Variants in RBFOX1 observed in about 807,000 individuals in gnomAD.
The protein encoded by RBFOX1 is RNA binding protein fox-1 homolog 1.
In RBFOX1, 8 loss-of-function variants were observed where a neutral mutation model predicts 57.7. The ratio of observed to expected loss-of-function variants is 0.14; its 90% CI spans 0.08 to 0.25. RBFOX1 has a LOEUF of 0.25. RBFOX1 is among the 10% of genes least tolerant of loss of function. The probability of loss-of-function intolerance (pLI) is 1.00; values close to 1 mark genes in which losing one functional copy is unlikely to be tolerated. For synonymous variants in RBFOX1, 326 were observed against 222.4 expected, an observed-to-expected ratio of 1.47 and a Z score of -4.15; for missense variants, 611 against 548.5, an observed-to-expected ratio of 1.11 and a Z score of -1.14.
At chr16:6,515,475 C>T (rs1280393624) in intron 2 of RBFOX1, among the ~76,000 whole-genome samples, 2 of 152,212 alleles carry the variant, frequency 1.3e-5, no homozygotes, top group South Asian at 2.1e-4. Flanking sequence ...AACTAATATG[C>T]TGTCTACCCA....
chr16:7,013,361 C>T (rs1425471334), intron 3 of RBFOX1, among the ~76,000 whole-genome samples: 2 of 152,150 alleles, frequency 1.3e-5, no homozygotes, highest in African/African-American at 2.4e-5. Flanking sequence ...CAGTCCCTCT[C>T]ACTTGAAGGA....
At chr16:6,756,845 G>A (rs1177160278) in intron 3 of RBFOX1, among the ~76,000 whole-genome samples, 2 of 151,950 alleles carry the variant, frequency 1.3e-5, no homozygotes, top group Admixed American at 6.6e-5. Flanking sequence ...CGTGGTGGCA[G>A]ACACCTGTAG....
At chr16:6,489,627 A>C (rs191101492) in intron 2 of RBFOX1, among the ~76,000 whole-genome samples, 435 of 152,272 alleles carry the variant, frequency 2.9e-3, no homozygotes, top group Admixed American at 6.2e-3. Context: ...TCTTCACCCG[A>C]GTTTTGAAAC....
At chr16:6,776,835 T>G (rs112780253) in intron 3 of RBFOX1, among the ~76,000 whole-genome samples, 1,952 of 152,102 alleles carry the variant, frequency 0.013, 25 homozygotes, top group Non-Finnish European at 0.018. Context: ...GCTTTGCTGT[T>G]TTATTTTTTC....
At chr16:5,724,798 G>C (rs1288419599) in intron 3 of RBFOX1, among the ~76,000 whole-genome samples, 1 of 151,944 alleles carries the variant, frequency 6.6e-6, no homozygotes, top group African/African-American at 2.4e-5. Context: ...CTCCTTGTTG[G>C]ATATCTACAC....
intron 3 of RBFOX1, among the ~76,000 whole-genome samples, chr16:6,995,642 C>G (rs575298362): frequency 3.3e-4 from 50 of 152,176 alleles, no homozygotes; most frequent in Admixed American, 1.7e-3. Context: ...CGCTTGTAAT[C>G]CCAGCTACTC....
chr16:7,326,489 T>C (rs1420939983), intron 4 of RBFOX1, among the ~76,000 whole-genome samples: 4 of 152,054 alleles, frequency 2.6e-5, no homozygotes, highest in Admixed American at 2.6e-4. Context: ...AGAGCTGCCA[T>C]GATGAGCAGA....
intron 4 of RBFOX1, among the ~76,000 whole-genome samples, chr16:7,105,858 A>G (rs2063496290): frequency 6.6e-6 from 1 of 152,082 alleles, no homozygotes; most frequent in African/African-American, 2.4e-5. Flanking sequence ...CGTTGGAGGA[A>G]CCATCTGATC....
chr16:5,608,442 C>G (rs77127266), intron 3 of RBFOX1, among the ~76,000 whole-genome samples: 1,595 of 152,298 alleles, frequency 0.01, 27 homozygotes, highest in African/African-American at 0.036. Context: ...GGCTGGGAAC[C>G]AGGCTGCAGC....
chr16:6,101,113 T>C (rs2096302028), intron 1 of RBFOX1, among the ~76,000 whole-genome samples: 1 of 152,222 alleles, frequency 6.6e-6, no homozygotes, highest in Non-Finnish European at 1.5e-5. Context: ...TTTCTTCCTC[T>C]GTAAAATGGG....
chr16:6,494,732 T>C (rs904905462), intron 2 of RBFOX1, among the ~76,000 whole-genome samples: 2 of 152,234 alleles, frequency 1.3e-5, no homozygotes, highest in Non-Finnish European at 2.9e-5. Context: ...ATGCATATTA[T>C]GGAACACATC....
chr16:5,583,900 G>C (rs1378927254), intron 2 of RBFOX1, among the ~76,000 whole-genome samples: 2 of 152,204 alleles, frequency 1.3e-5, no homozygotes, highest in Non-Finnish European at 2.9e-5. Flanking sequence ...CTGCCATGTA[G>C]AGTTTGTCTG....
intron 3 of RBFOX1, among the ~76,000 whole-genome samples, chr16:5,816,073 TC>T (rs990111068): frequency 5.3e-5 from 8 of 152,328 alleles, no homozygotes; most frequent in African/African-American, 1.9e-4. Context: ...CATGTGAGCC[TC>T]CAGTTCTCCA....
intron 3 of RBFOX1, among the ~76,000 whole-genome samples, chr16:5,714,118 C>T (rs905741792): frequency 6.6e-6 from 1 of 152,202 alleles, no homozygotes; most frequent in Non-Finnish European, 1.5e-5. Context: ...GACTATCTTG[C>T]ATTTCCACCA....
Position 7,168,566 on chromosome 16 carries a change from G to T in RBFOX1, c.27+116468G>T, listed in dbSNP as rs187061534. Among the ~76,000 whole-genome samples the T allele has an allele frequency of 5.3e-5, 8 of 152,114 alleles. No individual in the cohort carries two copies. In the East Asian group the frequency reaches 1.4e-3, roughly 26 times the overall value. On this transcript the variant is annotated intron_variant, in intron 4 of 15. Transcript: ENST00000550418. ...TGCAGAAAAATGGCCACACACAGAA[G>T]AAAGAAGTTAGAAGGGTTTTTCTGG... is the stretch of plus-strand genomic sequence containing the variant.
At chr16:5,794,114 G>C (rs1315573181) in intron 3 of RBFOX1, among the ~76,000 whole-genome samples, 1 of 152,124 alleles carries the variant, frequency 6.6e-6, no homozygotes, top group Non-Finnish European at 1.5e-5. Context: ...TGTGGTGTTG[G>C]GCATATGATT....
At position 5,879,253 on chromosome 16, in the gene RBFOX1, G is replaced by A. The variant is rs547120815; in HGVS notation, c.351+11918G>A. ...TCCTGAGTTCCAATGAGCAAATGCTGTGCTGGGCCAGCAGGGGTTTCAGAT... is the reference window on the plus strand; with the variant it reads ...TCCTGAGTTCCAATGAGCAAATGCTATGCTGGGCCAGCAGGGGTTTCAGAT... On this transcript the variant is annotated intron_variant, in intron 4 of 19. Coordinates refer to the RBFOX1 transcript ENST00000641259. Among the ~76,000 whole-genome samples the A allele has an allele frequency of 2.6e-5, 4 of 152,358 alleles. No homozygotes were observed. The South Asian group carries it at 8.3e-4, about 32-fold the overall frequency.
At chr16:6,877,663 G>C (rs2062096036) in intron 3 of RBFOX1, among the ~76,000 whole-genome samples, 1 of 152,162 alleles carries the variant, frequency 6.6e-6, no homozygotes, top group South Asian at 2.1e-4. Context: ...CCCATACTGA[G>C]AATCAGAGCA....
At chr16:7,564,473 G>A (rs1021323130) in intron 5 of RBFOX1, among the ~76,000 whole-genome samples, 17 of 146,656 alleles carry the variant, frequency 1.2e-4, no homozygotes, top group Middle Eastern at 3.7e-3. Flanking sequence ...CCTGGGAGGC[G>A]GAGCTTGCAC....
Sources: gnomAD v4.1 joint callset for allele counts (sites outside exome capture counted in the v4.1 genomes callset) on GRCh38, gnomAD v4.1.1 for gene constraint, MANE v1.5 for transcripts, NCBI Gene and HGNC (gene_info 2026-07-23, HGNC 2026-07-21) for gene names.